CNTN4: variants seen among roughly 807,000 people sequenced by gnomAD.
The protein encoded by CNTN4 is contactin 4.
Under a neutral mutation model 122.5 loss-of-function variants are expected in CNTN4, and 77 were observed. That is an observed-to-expected ratio of 0.63 (90% CI 0.52 to 0.76). The LOEUF is 0.76. Ranked by LOEUF, CNTN4 falls within the 30% of genes least tolerant of loss-of-function variation. The pLI is 0.00. For synonymous variants in CNTN4, 512 were observed against 447.0 expected (o/e 1.15, Z -1.83); for missense variants, 1,256 against 1,259.1 (o/e 1.00, Z 0.04).
chr3:2,713,547 GACCCCTCTGGAATGC>G (rs1245377940), intron 4 of CNTN4, among the ~76,000 whole-genome samples: 1 of 152,054 alleles, frequency 6.6e-6, no homozygotes, highest in East Asian at 1.9e-4. Flanking sequence ...ATATAGGGAG[GACCCCTCTGGAATGC>G]AGGTCTTATG....
intron 9 of CNTN4, among the ~76,000 whole-genome samples, chr3:2,883,450 C>T (rs1178220352): frequency 6.6e-6 from 1 of 152,156 alleles, no homozygotes; most frequent in Non-Finnish European, 1.5e-5. Flanking sequence ...GATTAGGCTG[C>T]CACAACTGAC....
At chr3:2,255,630 A>G (rs764118132) in intron 2 of CNTN4, among the ~76,000 whole-genome samples, 2 of 152,190 alleles carry the variant, frequency 1.3e-5, no homozygotes, top group Non-Finnish European at 2.9e-5. Flanking sequence ...CAGGATTAAG[A>G]AACTCACTCA....
At chr3:2,839,584 G>A (rs2093307528) in intron 7 of CNTN4, among the ~76,000 whole-genome samples, 2 of 152,088 alleles carry the variant, frequency 1.3e-5, no homozygotes, top group African/African-American at 2.4e-5. Context: ...TTTAGAACAG[G>A]GCTTTTAAAT....
intron 3 of CNTN4, among the ~76,000 whole-genome samples, chr3:2,430,802 T>C (rs1260808548): frequency 6.6e-6 from 1 of 152,142 alleles, no homozygotes; most frequent in Non-Finnish European, 1.5e-5. Flanking sequence ...TTTCTTTTGA[T>C]TGAGATTTTG....
At chr3:2,727,291 C>T (rs2088299076) in intron 4 of CNTN4, among the ~76,000 whole-genome samples, 1 of 152,198 alleles carries the variant, frequency 6.6e-6, no homozygotes. Context: ...TAATCAAACG[C>T]ATTTCTAATT....
At chr3:2,184,432 G>T (rs1022426665) in intron 2 of CNTN4, among the ~76,000 whole-genome samples, 3 of 152,134 alleles carry the variant, frequency 2.0e-5, no homozygotes, top group African/African-American at 7.2e-5. Flanking sequence ...CTTGTTGGTG[G>T]AACCAGCTTG....
chr3:2,343,433 G>T (rs1034942815), intron 3 of CNTN4, among the ~76,000 whole-genome samples: 10 of 152,174 alleles, frequency 6.6e-5, no homozygotes, highest in Non-Finnish European at 1.2e-4. Flanking sequence ...TGCATAGGGT[G>T]TAACTTTGTA....
At chr3:2,720,656 G>T (rs1208457089) in intron 4 of CNTN4, among the ~76,000 whole-genome samples, 2 of 152,112 alleles carry the variant, frequency 1.3e-5, no homozygotes, top group African/African-American at 4.8e-5. Flanking sequence ...ACACTAAACA[G>T]AAACAAGGGT....
intron 4 of CNTN4, among the ~76,000 whole-genome samples, chr3:2,685,358 C>T (rs2085378978): frequency 6.6e-6 from 1 of 152,108 alleles, no homozygotes; most frequent in Non-Finnish European, 1.5e-5. Flanking sequence ...TAATGATGAT[C>T]TTCAAATTCA....
chr3:3,035,050 G>A (rs1156896489), intron 17 of CNTN4, among the ~76,000 whole-genome samples: 1 of 152,130 alleles, frequency 6.6e-6, no homozygotes, highest in East Asian at 1.9e-4. Context: ...GCTCACGCCT[G>A]CAATCCCAGC....
At position 2,868,261 on chromosome 3, in the gene CNTN4, C is replaced by T. The variant is rs150246645; in HGVS notation, c.652+1312C>T. Reference sequence around the variant, plus strand: ...TATGATAAACATTTTCTTTTGCAGACGGGGAAACTGGGGCTCAGCCACATT... The same window carrying T: ...TATGATAAACATTTTCTTTTGCAGATGGGGAAACTGGGGCTCAGCCACATT... On this transcript the variant is annotated intron_variant, in intron 8 of 24. Coordinates refer to ENST00000418658, the MANE Select transcript of CNTN4 (RefSeq NM_175607.3). Among the ~76,000 whole-genome samples, 704 of 152,228 alleles carry T rather than the reference C, an allele frequency of 4.6e-3. 6 individuals carry two copies. Among genetic ancestry groups the T allele is most frequent in the African/African-American group, 0.015 (616 of 41,534 alleles).
chr3:2,940,572 C>T (rs2094605358), intron 13 of CNTN4, among the ~76,000 whole-genome samples: 1 of 152,046 alleles, frequency 6.6e-6, no homozygotes, highest in Non-Finnish European at 1.5e-5. Flanking sequence ...TGAGGGAAAT[C>T]ACACTGTGTC....
intron 4 of CNTN4, among the ~76,000 whole-genome samples, chr3:2,718,555 C>T (rs1342944101): frequency 6.6e-6 from 1 of 152,130 alleles, no homozygotes; most frequent in Non-Finnish European, 1.5e-5. Context: ...TTATATTTCA[C>T]TTAATGTTTT....
intron 3 of CNTN4, among the ~76,000 whole-genome samples, chr3:2,555,181 C>T (rs991377226): frequency 3.3e-5 from 5 of 152,036 alleles, no homozygotes; most frequent in South Asian, 2.1e-4. Context: ...TTTTTAAATC[C>T]GAGTCAACTT....
At chr3:2,355,390 A>G (rs760428412) in intron 3 of CNTN4, among the ~76,000 whole-genome samples, 25 of 152,176 alleles carry the variant, frequency 1.6e-4, no homozygotes, top group Non-Finnish European at 7.4e-5. Flanking sequence ...TTGGCCAAGA[A>G]ATCTCAGTTG....
intron 3 of CNTN4, among the ~76,000 whole-genome samples, chr3:2,432,672 G>A (rs1370863863): frequency 6.6e-6 from 1 of 151,816 alleles, no homozygotes; most frequent in Non-Finnish European, 1.5e-5. Flanking sequence ...GTATATATAT[G>A]TGTGTGTATG....
intron 2 of CNTN4, chr3:2,110,760 A>G (rs1289474242): frequency 6.6e-6 from 1 of 151,726 alleles, no homozygotes; most frequent in East Asian, 1.9e-4. Flanking sequence ...TGAGAGAGTA[A>G]TGGTATGGGT....
chr3:2,165,003 A>G (rs960017675), intron 2 of CNTN4, among the ~76,000 whole-genome samples: 3 of 152,130 alleles, frequency 2.0e-5, no homozygotes, highest in Non-Finnish European at 4.4e-5. Flanking sequence ...CTGCTACAAG[A>G]CTGGCCCTGG....
chr3:2,148,926 C>T (rs1172381212), intron 2 of CNTN4, among the ~76,000 whole-genome samples: 1 of 144,246 alleles, frequency 6.9e-6, no homozygotes, highest in East Asian at 2.1e-4. Flanking sequence ...AACATTACAT[C>T]CCCTTACTAC....
Sources: allele counts gnomAD v4.1 joint callset (sites outside exome capture counted in the v4.1 genomes callset), GRCh38; gene constraint gnomAD v4.1.1; transcripts MANE v1.5; gene names NCBI Gene and HGNC (gene_info 2026-07-23, HGNC 2026-07-21).